Variants in BOC observed in about 807,000 individuals in gnomAD.
The protein encoded by BOC is brother of CDO.
A neutral mutation model predicts 112.0 loss-of-function variants in BOC; 76 were observed. That is an observed-to-expected ratio of 0.68 (90% CI 0.56 to 0.82). The LOEUF is 0.82. Among genes scored for constraint, BOC ranks in the 40% least tolerant of loss-of-function variants. The pLI is 0.00. For missense variants in BOC, 1,309 were observed against 1,511.7 expected (o/e 0.87, Z 2.22); for synonymous variants, 580 against 599.8 (o/e 0.97, Z 0.48).
chr3:113,216,328 T>A (rs1231478516), intron 2 of BOC, 54 bp downstream of exon 2: 2 of 452,618 alleles, frequency 4.4e-6, no homozygotes, highest in Non-Finnish European at 8.9e-6. Flanking sequence ...GGTCAGCCAT[T>A]TGTTCATGTT....
chr3:113,244,482 T>C (rs1218450554), intron 2 of BOC, among the ~76,000 whole-genome samples: 1 of 152,196 alleles, frequency 6.6e-6, no homozygotes, highest in Non-Finnish European at 1.5e-5. Context: ...CAGAGTGTTC[T>C]GGGTAGATGT....
intron 2 of BOC, among the ~76,000 whole-genome samples, chr3:113,237,306 C>A (rs1943696100): frequency 6.6e-6 from 1 of 152,146 alleles, no homozygotes; most frequent in Non-Finnish European, 1.5e-5. Flanking sequence ...CTGCTCCCAT[C>A]CCCCCTGCCC....
At chr3:113,236,226 ATATGTGTGTG>A (rs1943427311) in intron 2 of BOC, among the ~76,000 whole-genome samples, 1 of 96,734 alleles carries the variant, frequency 1.0e-5, no homozygotes, top group Non-Finnish European at 2.1e-5. Flanking sequence ...GTATATACGT[ATATGTGTGTG>A]TGTGTGTGTG....
Position 113,248,504 on chromosome 3 carries a change from G to A in BOC, c.-81-1218G>A, listed in dbSNP as rs113400155. On this transcript the variant is annotated intron_variant, in intron 2 of 19. Coordinates refer to ENST00000682979, the MANE Select transcript of BOC (RefSeq NM_001378074.1). ...ATATACTATTAATATTGCCACAGGT[G>A]AATGATCCACCGTGCAGATCACTGG... is the stretch of plus-strand genomic sequence containing the variant. Among the ~76,000 whole-genome samples, 1,506 of 152,332 alleles carry A rather than the reference G, an allele frequency of 9.9e-3. 17 individuals carry two copies. The highest frequency in any genetic ancestry group is 0.034 in the Middle Eastern group (10 of 294).
Position 113,270,889 on chromosome 3 carries a change from C to G in BOC, c.612C>G (p.Asn204Lys). ...DEGMYKCAAY[N>K]PVTQEVKTSG... The stretch of plus-strand genomic sequence containing the variant: ...GCATGTACAAGTGTGCAGCCTACAA[C>G]CCAGTGACCCAGGAAGTGAAAACCT... The change falls in exon 6 of 20, where the codon AAC becomes AAG. Residue 204 changes from asparagine to lysine, a missense_variant. By Grantham distance (94) the Asn-to-Lys change is moderately conservative. Transcript: ENST00000682979. 6.2e-7 allele frequency: 1 copy of G among 1,614,238 alleles called. No individual in the cohort carries two copies. The highest frequency in any genetic ancestry group is 8.5e-7 in the Non-Finnish European group (1 of 1,180,042).
chr3:113,268,189 C>G (rs1197254037), intron 4 of BOC, 110 bp from the exon 5 acceptor site: 2 of 1,496,566 alleles, frequency 1.3e-6, no homozygotes, highest in East Asian at 4.8e-5. Flanking sequence ...CTGATATCCC[C>G]CTAGGTGTGA....
intron 12 of BOC, 107 bp downstream of exon 12, chr3:113,279,562 A>C: frequency 9.1e-7 from 1 of 1,097,690 alleles, no homozygotes. Flanking sequence ...CCAGGCCCCC[A>C]CCCACCAGCA....
Position 113,268,298 on chromosome 3 carries a change from G to T in BOC, c.377-1G>T. The T allele has an allele frequency of 6.2e-7, 1 of 1,614,054 alleles. No individual in the cohort carries two copies. Among genetic ancestry groups the T allele is most frequent in the Non-Finnish European group, 8.5e-7 (1 of 1,179,996 alleles). ...ACCAGCACCTTCCCTTCTCTTCACA[G>T]ATCTCCAGGACTTCAAGTTAGATGT... On this transcript the variant is annotated splice_acceptor_variant, in intron 4 of 19. Transcript: ENST00000682979. LOFTEE classifies it high-confidence loss of function.
At chr3:113,245,866 A>G (rs1227529673) in intron 2 of BOC, among the ~76,000 whole-genome samples, 1 of 152,210 alleles carries the variant, frequency 6.6e-6, no homozygotes, top group Non-Finnish European at 1.5e-5. Context: ...TAGATCATAG[A>G]AGCTTCCCTT....
chr3:113,279,268 G>C lies in BOC; in HGVS notation c.1836G>C (p.Arg612Ser). 5 of 1,613,748 alleles carry C rather than the reference G, an allele frequency of 3.1e-6. No homozygotes were observed. The highest frequency in any genetic ancestry group is 4.2e-6 in the Non-Finnish European group (5 of 1,179,788). Residue 612 changes from arginine (R) to serine (S), a missense_variant, in exon 12 of 20, where the codon AGG becomes AGC. By Grantham distance (110) the Arg-to-Ser change is moderately radical. Transcript: ENST00000682979. Reference sequence around the variant, plus strand: ...TCCCAGCCCCAGAAGCTCCCGACAGGCCCACCATCTCCACGGCCTCCGAGA... The same window carrying C: ...TCCCAGCCCCAGAAGCTCCCGACAGCCCCACCATCTCCACGGCCTCCGAGA... ...GRLSPPEAPD[R>S]PTISTASETS...
At chr3:113,269,011 T>G (rs1014081561) in intron 5 of BOC, among the ~76,000 whole-genome samples, 2 of 152,180 alleles carry the variant, frequency 1.3e-5, no homozygotes, top group African/African-American at 4.8e-5. Flanking sequence ...CCAGAAGATA[T>G]TACTGAGATG....
At chr3:113,246,740 C>T (rs1413678243) in intron 2 of BOC, among the ~76,000 whole-genome samples, 1 of 152,116 alleles carries the variant, frequency 6.6e-6, no homozygotes. Flanking sequence ...CCCACGCATC[C>T]TGTTTTGGGG....
chr3:113,264,086 A>G (rs543126962), intron 4 of BOC, among the ~76,000 whole-genome samples: 30 of 152,320 alleles, frequency 2.0e-4, no homozygotes, highest in Middle Eastern at 3.4e-3. Context: ...CGGGTTCTAT[A>G]TGGAGCCTAA....
chr3:113,256,307 A>T (rs7614288), intron 4 of BOC, among the ~76,000 whole-genome samples: 9,364 of 152,216 alleles, frequency 0.062, 389 homozygotes, highest in African/African-American at 0.12. Flanking sequence ...AGAGAGAACT[A>T]ACCCATTCCT....
Position 113,284,326 on chromosome 3 carries a change from T to C in BOC, c.2657-9T>C, listed in dbSNP as rs1295669211. The stretch of plus-strand genomic sequence containing the variant: ...GCCTAAGCACACCTTTATTTTTCTG[T>C]CCTTCCAGAACATACAACAGACCTG... On this transcript the variant is annotated splice_polypyrimidine_tract_variant and intron_variant, in intron 16 of 19. Coordinates refer to ENST00000682979, the MANE Select transcript of BOC (RefSeq NM_001378074.1). The C allele has an allele frequency of 1.9e-6, 3 of 1,610,802 alleles. No individual in the cohort carries two copies. Among genetic ancestry groups the C allele is most frequent in the Non-Finnish European group, 2.5e-6 (3 of 1,177,068 alleles).
At chr3:113,226,017 C>T (rs1197611112) in intron 2 of BOC, among the ~76,000 whole-genome samples, 1 of 152,250 alleles carries the variant, frequency 6.6e-6, no homozygotes, top group Non-Finnish European at 1.5e-5. Flanking sequence ...CCCAGACTGG[C>T]TTCCGTGGAT....
At position 113,278,613 on chromosome 3, in the gene BOC, G is replaced by A; in HGVS notation, c.1706-60G>A. 2.1e-6 allele frequency: 3 copies of A among 1,413,648 alleles called. No individual in the cohort carries two copies. In the South Asian group the frequency reaches 3.7e-5, roughly 17 times the overall value. The allele number at this position is 1,413,648 out of a possible 1,614,324, so 87.6% of individuals were successfully genotyped here. A position where few individuals can be genotyped will look rare whatever the true frequency, so the allele number is the denominator to read the frequency against. The stretch of plus-strand genomic sequence containing the variant: ...CAGAGTCTCAGGCAAAAAGGACTCT[G>A]TGGGAGGGAGATCTCATGCCTGCTT... On this transcript the variant is annotated intron_variant, in intron 10 of 19. Transcript: ENST00000682979. This position sits in a 1 kb window ranked among gnomAD's most constrained non-coding sequence, Gnocchi z 4.2.
chr3:113,263,107 C>A lies in BOC; in HGVS notation c.377-5192C>A, dbSNP rs573530861. 3.9e-5 allele frequency among the ~76,000 whole-genome samples: 6 copies of A among 152,358 alleles called. No individual in the cohort carries two copies. The South Asian group carries it at 6.2e-4, about 16-fold the overall frequency. ...TGCCTTGTAGCATTAGCCACAGATG[C>A]AGCAAGCTGCCACAGGGACAAGTTG... On this transcript the variant is annotated intron_variant, in intron 4 of 19. Transcript: ENST00000682979.
At chr3:113,256,476 G>A (rs950285458) in intron 4 of BOC, among the ~76,000 whole-genome samples, 7 of 152,188 alleles carry the variant, frequency 4.6e-5, no homozygotes, top group African/African-American at 1.7e-4. Context: ...CTCAACTGCT[G>A]CCGTATACAG....
Sources: gnomAD v4.1 joint callset for allele counts (sites outside exome capture counted in the v4.1 genomes callset) on GRCh38, gnomAD v4.1.1 for gene constraint, Gnocchi (gnomAD v3.1) non-coding constraint, MANE v1.5 for transcripts, NCBI Gene and HGNC (gene_info 2026-07-23, HGNC 2026-07-21) for gene names.